The following DAB2 variants were observed in gnomAD, a reference collection of about 807,000 sequenced individuals.
DAB2 encodes disabled homolog 2.
Under a neutral mutation model 71.6 loss-of-function variants are expected in DAB2, and 28 were observed. That is an observed-to-expected ratio of 0.39 (90% CI 0.29 to 0.54). The LOEUF is 0.54. Ranked by LOEUF, DAB2 falls within the 20% of genes least tolerant of loss-of-function variation. DAB2 has a pLI of 0.68. For missense variants in DAB2, 867 were observed against 928.8 expected, an observed-to-expected ratio of 0.93 and a Z score of 0.86; for synonymous variants, 345 against 339.7, an observed-to-expected ratio of 1.02 and a Z score of -0.17.
At chr5:39,423,860 T>C (rs1035450263) in intron 1 of DAB2, 7 of 151,926 alleles carry the variant, frequency 4.6e-5, no homozygotes, top group Admixed American at 1.3e-4. Flanking sequence ...TCTGCTCTTC[T>C]CGGTTTACAG....
At position 39,384,012 on chromosome 5, in the gene DAB2, G is replaced by A. The variant is rs536449366; in HGVS notation, c.688-741C>T. 2.6e-5 allele frequency among the ~76,000 whole-genome samples: 4 copies of A among 152,214 alleles called. No individual in the cohort carries two copies. The East Asian group carries it at 7.7e-4, about 29-fold the overall frequency. On this transcript the variant is annotated intron_variant, in intron 9 of 14. Coordinates refer to ENST00000320816, the MANE Select transcript of DAB2 (RefSeq NM_001343.4). ...TCTCTCCTCTGGGCTTACCCTTTTTGTCTATGTCCTCTGAAAGAGACACTC... is the reference window on the plus strand; with the variant it reads ...TCTCTCCTCTGGGCTTACCCTTTTTATCTATGTCCTCTGAAAGAGACACTC...
chr5:39,420,257 T>A (rs1180963595), intron 1 of DAB2, among the ~76,000 whole-genome samples: 1 of 152,252 alleles, frequency 6.6e-6, no homozygotes, highest in African/African-American at 2.4e-5. Context: ...TCATCTTTCA[T>A]ATAAAGATCA....
intron 9 of DAB2, 108 bp from the exon 10 acceptor site, chr5:39,383,379 G>A (rs1755028593): frequency 6.2e-6 from 6 of 970,028 alleles, no homozygotes; most frequent in Non-Finnish European, 9.1e-6. Context: ...ATTTGAATTT[G>A]GTCTTGATAA....
At chr5:39,403,569 A>G (rs1035503103) in intron 1 of DAB2, among the ~76,000 whole-genome samples, 9 of 152,178 alleles carry the variant, frequency 5.9e-5, no homozygotes, top group African/African-American at 2.2e-4. Context: ...TTGCCTAGGT[A>G]GCAGGAGTTA....
chr5:39,406,241 A>G (rs1261176445), intron 1 of DAB2, among the ~76,000 whole-genome samples: 1 of 152,152 alleles, frequency 6.6e-6, no homozygotes, highest in Non-Finnish European at 1.5e-5. Context: ...GACCCAGCCA[A>G]GCAGACTCGG....
intron 1 of DAB2, among the ~76,000 whole-genome samples, chr5:39,400,566 C>T (rs1040762481): frequency 6.6e-6 from 1 of 152,106 alleles, no homozygotes. Flanking sequence ...ATGAAATGGA[C>T]ACAGCAACAG....
chr5:39,374,317 T>C (rs1268475338), intron 14 of DAB2, among the ~76,000 whole-genome samples: 1 of 143,168 alleles, frequency 7.0e-6, no homozygotes, highest in Non-Finnish European at 1.6e-5. Flanking sequence ...TTCAGTCTTT[T>C]GAGATCAGAA....
At chr5:39,410,572 T>G (rs528310009) in intron 1 of DAB2, among the ~76,000 whole-genome samples, 1 of 152,278 alleles carries the variant, frequency 6.6e-6, no homozygotes, top group Admixed American at 6.5e-5. Flanking sequence ...AGGGCTTAAC[T>G]TATTTGACAT....
chr5:39,388,398 G>A, intron 8 of DAB2, 31 bp from the exon 9 acceptor site: 2 of 1,452,052 alleles, frequency 1.4e-6, no homozygotes, highest in Non-Finnish European at 1.9e-6. Context: ...AGATTCAGAT[G>A]TGTCTACTAA....
intron 1 of DAB2, chr5:39,417,219 CA>C (rs1755868571): frequency 6.6e-6 from 1 of 151,898 alleles, no homozygotes; most frequent in Non-Finnish European, 1.5e-5. Flanking sequence ...ATGGATGCAG[CA>C]AACCACCATG....
chr5:39,374,771 T>A (rs1412664227), intron 14 of DAB2: 21 of 414,402 alleles, frequency 5.1e-5, no homozygotes, highest in Non-Finnish European at 9.0e-5. Context: ...GAACATGGAA[T>A]AAGATAAAAA....
At chr5:39,400,612 G>A (rs192753139) in intron 1 of DAB2, among the ~76,000 whole-genome samples, 1 of 152,238 alleles carries the variant, frequency 6.6e-6, no homozygotes, top group East Asian at 1.9e-4. Flanking sequence ...GGCTCAAAGT[G>A]AGCATAGTCT....
intron 1 of DAB2, among the ~76,000 whole-genome samples, chr5:39,423,131 A>G (rs73080533): frequency 1.2e-3 from 177 of 152,338 alleles, no homozygotes; most frequent in African/African-American, 4.1e-3. Context: ...TTTCTAGGTC[A>G]GTCATTTGGA....
chr5:39,400,852 T>C (rs1416760661), intron 1 of DAB2, among the ~76,000 whole-genome samples: 1 of 152,172 alleles, frequency 6.6e-6, no homozygotes, highest in Non-Finnish European at 1.5e-5. Context: ...TACTTTGTAC[T>C]GGACAGAGAA....
At chr5:39,382,488 C>T (rs1755001052) in intron 10 of DAB2, 130 bp downstream of exon 10, 4 of 1,018,376 alleles carry the variant, frequency 3.9e-6, no homozygotes, top group Non-Finnish European at 5.8e-6. Flanking sequence ...AACCAAAGTG[C>T]CTTATCCCAC....
intron 1 of DAB2, among the ~76,000 whole-genome samples, chr5:39,410,804 C>CT (rs1359589308): frequency 1.6e-4 from 3 of 19,184 alleles, no homozygotes; most frequent in Non-Finnish European, 3.1e-4. Context: ...GTCTAACCTG[C>CT]TTAAAAAAAA....
intron 1 of DAB2, among the ~76,000 whole-genome samples, chr5:39,412,562 T>C (rs749433973): frequency 1.2e-4 from 19 of 152,180 alleles, no homozygotes; most frequent in Non-Finnish European, 1.9e-4. Context: ...TTTCAGAAGA[T>C]GAAAAATGCT....
chr5:39,418,907 C>G (rs1274887706), intron 1 of DAB2, among the ~76,000 whole-genome samples: 1 of 152,196 alleles, frequency 6.6e-6, no homozygotes, highest in Non-Finnish European at 1.5e-5. Flanking sequence ...CGAGGCAACT[C>G]ATTTTCCTGA....
At chr5:39,376,206 GA>G in intron 12 of DAB2, 100 bp from the exon 13 acceptor site, 1 of 861,108 alleles carries the variant, frequency 1.2e-6, no homozygotes, top group South Asian at 1.6e-5. Flanking sequence ...CTATACTTTT[GA>G]AATTTACATC....
Sources: gnomAD v4.1 joint callset for allele counts (sites outside exome capture counted in the v4.1 genomes callset) on GRCh38, gnomAD v4.1.1 for gene constraint, MANE v1.5 for transcripts, NCBI Gene and HGNC (gene_info 2026-07-23, HGNC 2026-07-21) for gene names.